Variants in RERG observed in about 807,000 individuals in gnomAD.
RERG encodes ras-related and estrogen-regulated growth inhibitor.
In RERG, 25 loss-of-function variants were observed where a neutral mutation model predicts 23.2. The ratio of observed to expected loss-of-function variants is 1.08; its 90% confidence interval spans 0.79 to 1.50. The LOEUF is 1.50. RERG is among the 40% of genes most tolerant of loss of function. The pLI, the probability that RERG is intolerant of heterozygous loss-of-function variation, is 0.00. For synonymous variants in RERG, 81 were observed against 89.1 expected (o/e 0.91, Z 0.51); for missense variants, 253 against 250.1 (o/e 1.01, Z -0.08).
intron 2 of RERG, among the ~76,000 whole-genome samples, chr12:15,147,284 AGG>A (rs1864351182): frequency 6.6e-6 from 1 of 152,242 alleles, no homozygotes; most frequent in South Asian, 2.1e-4. Context: ...ATTAAAATCC[AGG>A]TTTGCAAATG....
intron 2 of RERG, among the ~76,000 whole-genome samples, chr12:15,124,062 T>A (rs1490886532): frequency 6.6e-6 from 1 of 152,160 alleles, no homozygotes; most frequent in Non-Finnish European, 1.5e-5. Flanking sequence ...ATGAATTTTA[T>A]GATTATTAAT....
intron 3 of RERG, among the ~76,000 whole-genome samples, chr12:15,117,552 T>A (rs1414382483): frequency 6.6e-6 from 1 of 152,052 alleles, no homozygotes; most frequent in East Asian, 1.9e-4. Context: ...CTCATTCCCA[T>A]CCTCATCTGC....
At chr12:15,127,128 G>A (rs1275615522) in intron 2 of RERG, among the ~76,000 whole-genome samples, 1 of 152,084 alleles carries the variant, frequency 6.6e-6, no homozygotes, top group Non-Finnish European at 1.5e-5. Flanking sequence ...ATTGTCTTTT[G>A]TGTCTTCTCT....
chr12:15,183,093 A>G (rs1864946568), intron 2 of RERG, among the ~76,000 whole-genome samples: 1 of 152,180 alleles, frequency 6.6e-6, no homozygotes. Context: ...AAACAAAAAC[A>G]AAAACAGAAA....
intron 2 of RERG, among the ~76,000 whole-genome samples, chr12:15,201,326 C>G (rs1011314102): frequency 2.0e-5 from 3 of 151,778 alleles, no homozygotes; most frequent in Admixed American, 1.3e-4. Flanking sequence ...ACACCAGAGC[C>G]AAATTGCCTG....
At chr12:15,212,339 G>A (rs1028479340) in intron 2 of RERG, among the ~76,000 whole-genome samples, 2 of 151,914 alleles carry the variant, frequency 1.3e-5, no homozygotes, top group South Asian at 2.1e-4. Flanking sequence ...GATTACAGGC[G>A]TGAGCCACCG....
At chr12:15,182,865 A>C (rs1864942802) in intron 2 of RERG, among the ~76,000 whole-genome samples, 1 of 152,140 alleles carries the variant, frequency 6.6e-6, no homozygotes, top group South Asian at 2.1e-4. Context: ...GCTTGAGGCC[A>C]GGAGTTTGAA....
At chr12:15,115,218 C>G (rs187996600) in intron 3 of RERG, among the ~76,000 whole-genome samples, 7 of 152,178 alleles carry the variant, frequency 4.6e-5, no homozygotes, top group African/African-American at 1.4e-4. Flanking sequence ...AACAACTGTT[C>G]TAAACACTTA....
At chr12:15,157,519 G>A (rs1279667456) in intron 2 of RERG, among the ~76,000 whole-genome samples, 1 of 152,178 alleles carries the variant, frequency 6.6e-6, no homozygotes, top group Non-Finnish European at 1.5e-5. Flanking sequence ...CTTGTCAGCT[G>A]CTTCCTGTCC....
chr12:15,130,689 G>A (rs1259400691), intron 2 of RERG, among the ~76,000 whole-genome samples: 2 of 152,174 alleles, frequency 1.3e-5, no homozygotes, highest in Non-Finnish European at 2.9e-5. Flanking sequence ...ATTAGTTCCA[G>A]ATGGGGGTCT....
chr12:15,182,905 T>C lies in RERG; in HGVS notation c.61+34524A>G, dbSNP rs76292297. Among the ~76,000 whole-genome samples, 20 of 152,140 alleles carry C rather than the reference T, an allele frequency of 1.3e-4. No individual in the cohort carries two copies. In the East Asian group the frequency reaches 3.9e-3, roughly 29 times the overall value. On this transcript the variant is annotated intron_variant, in intron 2 of 4. Transcript: ENST00000256953. ...GCATGGGCAGAATAGGGAGACCTTG[T>C]TTCTACAAAAAAAATTAAAACATTA...
intron 2 of RERG, among the ~76,000 whole-genome samples, chr12:15,191,382 C>T (rs1865068860): frequency 6.6e-6 from 1 of 152,176 alleles, no homozygotes; most frequent in Non-Finnish European, 1.5e-5. Context: ...TGTCCACTTT[C>T]TCTCCAAGCC....
intron 2 of RERG, among the ~76,000 whole-genome samples, chr12:15,125,589 C>T (rs1313676649): frequency 6.6e-6 from 1 of 151,814 alleles, no homozygotes; most frequent in African/African-American, 2.4e-5. Context: ...AAAATCAACA[C>T]TAAATTGTTT....
rs780426727 is a variant in RERG, at chr12:15,108,198, G to A, written c.*912C>T. 1 of 152,164 alleles carries A rather than the reference G, an allele frequency of 6.6e-6. No individual in the cohort carries two copies. The highest frequency in any genetic ancestry group is 1.5e-5 in the Non-Finnish European group (1 of 68,008). The allele number at this position is 152,164 out of a possible 1,614,324, so 9.4% of individuals were successfully genotyped here. On this transcript the variant is annotated 3_prime_UTR_variant, in exon 5 of 5. Coordinates refer to ENST00000256953, the MANE Select transcript of RERG (RefSeq NM_032918.3). Reference sequence around the variant, plus strand: ...GAATCAGAGGCTAATTTTTCTTACTGTACCTGGCTCAAAGTCTAGACTTCC... The same window carrying A: ...GAATCAGAGGCTAATTTTTCTTACTATACCTGGCTCAAAGTCTAGACTTCC...
At chr12:15,203,653 T>C (rs535839343) in intron 2 of RERG, among the ~76,000 whole-genome samples, 1 of 151,796 alleles carries the variant, frequency 6.6e-6, no homozygotes, top group East Asian at 1.9e-4. Flanking sequence ...CATGATCTTA[T>C]AAGTAGCAAA....
At chr12:15,137,752 T>C (rs1243332849) in intron 2 of RERG, 2 of 368,744 alleles carry the variant, frequency 5.4e-6, no homozygotes, top group Non-Finnish European at 5.3e-6. Context: ...ATAAATACAT[T>C]GTTTCCTTTA....
intron 2 of RERG, among the ~76,000 whole-genome samples, chr12:15,132,006 C>T (rs1381287743): frequency 6.6e-6 from 1 of 152,072 alleles, no homozygotes; most frequent in African/African-American, 2.4e-5. Context: ...AAAGCACCCC[C>T]ATTATGAAAA....
chr12:15,122,412 T>C (rs1309112573), intron 2 of RERG, among the ~76,000 whole-genome samples: 1 of 152,154 alleles, frequency 6.6e-6, no homozygotes, highest in Non-Finnish European at 1.5e-5. Context: ...ATATGGGAGA[T>C]GGCAGTGTAA....
chr12:15,145,025 C>T (rs1003163606), intron 2 of RERG, among the ~76,000 whole-genome samples: 4 of 152,054 alleles, frequency 2.6e-5, no homozygotes, highest in South Asian at 4.2e-4. Context: ...TCTATTAGAC[C>T]TTGATCTCCA....
Sources: gnomAD v4.1 joint callset for allele counts (sites outside exome capture counted in the v4.1 genomes callset) on GRCh38, gnomAD v4.1.1 for gene constraint, MANE v1.5 for transcripts, NCBI Gene and HGNC (gene_info 2026-07-23, HGNC 2026-07-21) for gene names.